Variants in PPM1H observed in about 807,000 individuals in gnomAD.
The protein encoded by PPM1H is protein phosphatase, Mg2+/Mn2+ dependent 1H.
A neutral mutation model predicts 54.9 loss-of-function variants in PPM1H; 27 were observed. The observed-to-expected ratio is 0.49, with a 90% confidence interval of 0.36 to 0.68. PPM1H has a LOEUF of 0.68. Among genes scored for constraint, PPM1H ranks in the 30% least tolerant of loss-of-function variants. The pLI, the probability that PPM1H is intolerant of heterozygous loss-of-function variation, is 0.00. For synonymous variants in PPM1H, 305 were observed against 270.8 expected, an observed-to-expected ratio of 1.13 and a Z score of -1.24; for missense variants, 596 against 667.8, an observed-to-expected ratio of 0.89 and a Z score of 1.19.
At chr12:62,912,113 A>G (rs1370655093) in intron 1 of PPM1H, among the ~76,000 whole-genome samples, 1 of 152,234 alleles carries the variant, frequency 6.6e-6, no homozygotes, top group Non-Finnish European at 1.5e-5. Flanking sequence ...TTGAGCCTAC[A>G]ACGCAAAAAA....
chr12:62,894,892 G>A (rs1851356151), intron 1 of PPM1H, among the ~76,000 whole-genome samples: 1 of 152,200 alleles, frequency 6.6e-6, no homozygotes, highest in Non-Finnish European at 1.5e-5. Flanking sequence ...TAATACGATT[G>A]CAATATATTA....
intron 2 of PPM1H, among the ~76,000 whole-genome samples, chr12:62,820,588 G>A (rs1230898832): frequency 6.6e-6 from 1 of 152,192 alleles, no homozygotes; most frequent in Admixed American, 6.5e-5. Flanking sequence ...CTGCAATATT[G>A]CGGTTCTGCA....
intron 1 of PPM1H, among the ~76,000 whole-genome samples, chr12:62,914,740 A>T (rs1249648664): frequency 6.6e-6 from 1 of 152,230 alleles, no homozygotes; most frequent in Non-Finnish European, 1.5e-5. Flanking sequence ...ATGCTCAAAT[A>T]TACTGGCCAG....
chr12:62,680,648 A>G (rs2076014572), intron 8 of PPM1H, among the ~76,000 whole-genome samples: 2 of 152,294 alleles, frequency 1.3e-5, no homozygotes, highest in East Asian at 3.9e-4. Flanking sequence ...TCCAGCCCAG[A>G]CAGGTCTTCA....
intron 2 of PPM1H, among the ~76,000 whole-genome samples, chr12:62,829,235 A>G (rs373179036): frequency 5.9e-5 from 9 of 152,350 alleles, no homozygotes; most frequent in Admixed American, 2.0e-4. Flanking sequence ...TGAGAACATT[A>G]TGCTAAGTGA....
At chr12:62,915,256 G>A (rs1871584020) in intron 1 of PPM1H, among the ~76,000 whole-genome samples, 1 of 152,192 alleles carries the variant, frequency 6.6e-6, no homozygotes, top group Non-Finnish European at 1.5e-5. Flanking sequence ...AAAGAAACTT[G>A]GCTTAGGGTT....
chr12:62,884,529 AAG>A (rs942576329), intron 1 of PPM1H, among the ~76,000 whole-genome samples: 3 of 150,432 alleles, frequency 2.0e-5, no homozygotes, highest in African/African-American at 7.4e-5. Context: ...GAAAGAAAGA[AAG>A]AGAGAAAAGA....
intron 1 of PPM1H, among the ~76,000 whole-genome samples, chr12:62,842,118 G>T (rs970165588): frequency 6.6e-6 from 1 of 152,054 alleles, no homozygotes; most frequent in Non-Finnish European, 1.5e-5. Flanking sequence ...CAAAATAAAC[G>T]CCAATCCAAA....
chr12:62,864,984 A>G (rs1013547859), intron 1 of PPM1H, among the ~76,000 whole-genome samples: 2 of 152,218 alleles, frequency 1.3e-5, no homozygotes, highest in African/African-American at 4.8e-5. Flanking sequence ...ATGAGAAATG[A>G]TAAACTGCCA....
chr12:62,931,489 C>A (rs1872129654), intron 1 of PPM1H, among the ~76,000 whole-genome samples: 1 of 152,162 alleles, frequency 6.6e-6, no homozygotes, highest in Admixed American at 6.5e-5. Flanking sequence ...GGAAGATAAA[C>A]TAACAGTTCA....
intron 4 of PPM1H, among the ~76,000 whole-genome samples, chr12:62,759,374 T>C (rs1382861411): frequency 6.6e-6 from 1 of 152,218 alleles, no homozygotes; most frequent in East Asian, 1.9e-4. Flanking sequence ...TTTTACTCTC[T>C]TCTCCAACCT....
chr12:62,908,179 C>T (rs1045742824), intron 1 of PPM1H, among the ~76,000 whole-genome samples: 2 of 151,942 alleles, frequency 1.3e-5, no homozygotes, highest in African/African-American at 4.8e-5. Context: ...TTTGGGAAGC[C>T]GAGGGTGGGC....
intron 1 of PPM1H, among the ~76,000 whole-genome samples, chr12:62,877,169 C>T (rs1870204123): frequency 6.6e-6 from 1 of 152,168 alleles, no homozygotes; most frequent in African/African-American, 2.4e-5. Flanking sequence ...TATTCTTGGC[C>T]AGATCTTTAA....
chr12:62,868,274 G>A (rs2120994364), intron 1 of PPM1H, among the ~76,000 whole-genome samples: 1 of 152,306 alleles, frequency 6.6e-6, no homozygotes, highest in East Asian at 1.9e-4. Flanking sequence ...TGGAAATTAA[G>A]GATTTGTTAT....
chr12:62,849,437 C>A (rs1869097441), intron 1 of PPM1H, among the ~76,000 whole-genome samples: 1 of 152,146 alleles, frequency 6.6e-6, no homozygotes, highest in South Asian at 2.1e-4. Flanking sequence ...GTCAGATAGC[C>A]ATTGGGTGGT....
intron 1 of PPM1H, among the ~76,000 whole-genome samples, chr12:62,868,955 T>G (rs1296205992): frequency 2.6e-5 from 4 of 152,174 alleles, no homozygotes; most frequent in Non-Finnish European, 5.9e-5. Context: ...AAAAACCAGG[T>G]GTAAATGACT....
chr12:62,855,926 AT>A (rs1326354051), intron 1 of PPM1H, among the ~76,000 whole-genome samples: 2 of 152,234 alleles, frequency 1.3e-5, no homozygotes, highest in Non-Finnish European at 2.9e-5. Context: ...AAGATGTGTT[AT>A]GTGGGATGAG....
intron 4 of PPM1H, among the ~76,000 whole-genome samples, chr12:62,765,873 C>G (rs1326200147): frequency 1.3e-5 from 2 of 152,168 alleles, no homozygotes; most frequent in Non-Finnish European, 2.9e-5. Context: ...GATATGAGTA[C>G]CTGGTCTGGC....
chr12:62,649,584 G>T (rs936158444), intron 9 of PPM1H, among the ~76,000 whole-genome samples: 1 of 152,166 alleles, frequency 6.6e-6, no homozygotes, highest in Non-Finnish European at 1.5e-5. Context: ...CACTGGCAGG[G>T]TCATATTTGG....
Sources: allele counts gnomAD v4.1 joint callset (sites outside exome capture counted in the v4.1 genomes callset), GRCh38; gene constraint gnomAD v4.1.1; transcripts MANE v1.5; gene names NCBI Gene and HGNC (gene_info 2026-07-23, HGNC 2026-07-21).